The following DAB2IP variants were observed in gnomAD, a reference collection of about 807,000 sequenced individuals.
DAB2IP encodes DAB2 interacting protein.
Under a neutral mutation model 107.2 loss-of-function variants are expected in DAB2IP, and 28 were observed. That is an observed-to-expected ratio of 0.26 (90% CI 0.19 to 0.36). DAB2IP has a LOEUF of 0.36. Ranked by LOEUF, DAB2IP falls within the 10% of genes least tolerant of loss-of-function variation. The pLI, the probability that DAB2IP is intolerant of heterozygous loss-of-function variation, is 1.00. For missense variants in DAB2IP, 1,400 were observed against 1,644.7 expected (o/e 0.85, Z 2.57); for synonymous variants, 755 against 706.4 (o/e 1.07, Z -1.09).
At chr9:121,759,964 T>C (rs766570316) in exon 6 of DAB2IP, 1 of 1,614,204 alleles carries the variant, frequency 6.2e-7, no homozygotes, top group Non-Finnish European at 8.5e-7. Flanking sequence ...AAGAAGTACC[T>C]GTGCGAGCTG....
chr9:121,620,167 G>A (rs913014392), intron 1 of DAB2IP, among the ~76,000 whole-genome samples: 1 of 152,208 alleles, frequency 6.6e-6, no homozygotes, highest in Admixed American at 6.5e-5. Context: ...GGATCCAGCC[G>A]CTCAAATGGG....
At chr9:121,689,291 CT>C (rs1457956287) in intron 2 of DAB2IP, among the ~76,000 whole-genome samples, 1 of 140,406 alleles carries the variant, frequency 7.1e-6, no homozygotes, top group African/African-American at 2.9e-5. Flanking sequence ...GAAATTCCAT[CT>C]AAAAAAAAAA....
intron 3 of DAB2IP, among the ~76,000 whole-genome samples, chr9:121,738,243 C>T (rs548378077): frequency 3.9e-5 from 6 of 152,270 alleles, no homozygotes; most frequent in Non-Finnish European, 7.4e-5. Flanking sequence ...GCCAGAGGCT[C>T]CCAGCACAGG....
chr9:121,658,466 C>T (rs1244616819), intron 1 of DAB2IP, among the ~76,000 whole-genome samples: 2 of 152,230 alleles, frequency 1.3e-5, no homozygotes, highest in East Asian at 1.9e-4. Context: ...CCACGTATCG[C>T]GTGCCCGCTC....
At chr9:121,604,534 C>T (rs962369522) in intron 1 of DAB2IP, among the ~76,000 whole-genome samples, 3 of 152,210 alleles carry the variant, frequency 2.0e-5, no homozygotes, top group African/African-American at 4.8e-5. Flanking sequence ...TTTCTCTGCT[C>T]TTCAGGTTTT....
In DAB2IP at chr9:121,760,480, C is replaced by A; in HGVS notation, c.1170+41C>A. ...TCGGCTCCTGACACAGGCTGGGCGG[C>A]AGCACTGGGTTACCTGCCCTTCCTC... On this transcript the variant is annotated intron_variant, in intron 6 of 15. Coordinates refer to ENST00000408936, the Ensembl canonical transcript of DAB2IP. This position sits in a 1 kb window ranked among gnomAD's most constrained non-coding sequence, Gnocchi z 5.9. 6.5e-7 allele frequency: 1 copy of A among 1,527,346 alleles called. No individual in the cohort carries two copies. 94.6% of individuals were successfully genotyped at this position (1,527,346 alleles called of 1,614,324 possible).
At chr9:121,674,831 G>A (rs546423003) in intron 1 of DAB2IP, among the ~76,000 whole-genome samples, 12 of 152,174 alleles carry the variant, frequency 7.9e-5, no homozygotes, top group African/African-American at 2.9e-4. Context: ...GCCTGGAGTG[G>A]TGAGGGCCCA....
At chr9:121,727,070 T>C (rs1831272863) in intron 3 of DAB2IP, among the ~76,000 whole-genome samples, 1 of 152,188 alleles carries the variant, frequency 6.6e-6, no homozygotes, top group Admixed American at 6.5e-5. Context: ...TAGCTTTGCC[T>C]GGAGGCAGGG....
At chr9:121,577,336 T>C (rs1830085830) in intron 1 of DAB2IP, among the ~76,000 whole-genome samples, 2 of 152,196 alleles carry the variant, frequency 1.3e-5, no homozygotes, top group Non-Finnish European at 2.9e-5. Context: ...AAGCCTGTGC[T>C]GGATGGCCGG....
chr9:121,665,975 A>G (rs561092301), intron 1 of DAB2IP, among the ~76,000 whole-genome samples: 1 of 152,286 alleles, frequency 6.6e-6, no homozygotes, highest in South Asian at 2.1e-4. Context: ...ATTACCACAA[A>G]CTTGTAACTC....
intron 2 of DAB2IP, among the ~76,000 whole-genome samples, chr9:121,679,887 G>A (rs971999509): frequency 9.9e-5 from 15 of 152,182 alleles, no homozygotes; most frequent in Non-Finnish European, 2.2e-4. Flanking sequence ...CGGGGAGGGA[G>A]AACAGCAGTT....
Position 121,775,904 on chromosome 9 carries a change from T to A in DAB2IP, c.3121-294T>A, listed in dbSNP as rs1455655044. On this transcript the variant is annotated intron_variant, in intron 13 of 15. Transcript: ENST00000408936. ...TTTGTCATATAAAAGTTCAAAGCCCTAGTTACACCCTCAGTCCTGGGACTT... is the reference window on the plus strand; with the variant it reads ...TTTGTCATATAAAAGTTCAAAGCCCAAGTTACACCCTCAGTCCTGGGACTT... 2.6e-5 allele frequency among the ~76,000 whole-genome samples: 4 copies of A among 152,312 alleles called. No individual in the cohort carries two copies. The South Asian group carries it at 6.2e-4, about 24-fold the overall frequency.
At chr9:121,608,475 AG>A (rs961870445) in intron 1 of DAB2IP, among the ~76,000 whole-genome samples, 14 of 152,238 alleles carry the variant, frequency 9.2e-5, no homozygotes, top group African/African-American at 3.4e-4. Context: ...TTGAGGTCCC[AG>A]GGAGCAAAGG....
intron 3 of DAB2IP, among the ~76,000 whole-genome samples, chr9:121,700,111 T>C (rs538194187): frequency 1.3e-5 from 2 of 152,250 alleles, no homozygotes; most frequent in African/African-American, 4.8e-5. Flanking sequence ...CAGCTGCTTC[T>C]CTCCTTCCCT....
rs578181245 is a variant in DAB2IP at position 121,571,901 on chromosome 9, G to A, written c.40+4673G>A. Among the ~76,000 whole-genome samples, 26 of 152,244 alleles carry A rather than the reference G, an allele frequency of 1.7e-4. No homozygotes were observed. In the South Asian group the frequency reaches 2.3e-3, roughly 13 times the overall value. ...GTCAGAGGCAGGAAGGTGAGGAGAA[G>A]GGGAGAGCTCGGAAACTCGGCACTA... On this transcript the variant is annotated intron_variant, in intron 1 of 16. Coordinates refer to the DAB2IP transcript ENST00000259371.
chr9:121,759,606 A>G (rs909738067), intron 5 of DAB2IP, among the ~76,000 whole-genome samples: 22 of 152,146 alleles, frequency 1.4e-4, no homozygotes, highest in Non-Finnish European at 2.9e-4. Flanking sequence ...CTCGCCCTCT[A>G]TGAGATGGGG....
At chr9:121,571,543 G>C (rs1829942264) in intron 1 of DAB2IP, among the ~76,000 whole-genome samples, 1 of 152,116 alleles carries the variant, frequency 6.6e-6, no homozygotes, top group African/African-American at 2.4e-5. Flanking sequence ...GATGGGGATG[G>C]GGAAGGGTTG....
exon 16 of DAB2IP, chr9:121,784,098 T>G: frequency 6.2e-6 from 1 of 161,590 alleles, no homozygotes. Flanking sequence ...CAGTGGCTGC[T>G]CTGGGAAGGG....
chr9:121,678,841 G>T, intron 2 of DAB2IP, 60 bp downstream of exon 2: 1 of 1,434,446 alleles, frequency 7.0e-7, no homozygotes, highest in Non-Finnish European at 9.3e-7. Flanking sequence ...CTCGCCCGGG[G>T]TGCTGCTCTG....
Sources: gnomAD v4.1 joint callset for allele counts (sites outside exome capture counted in the v4.1 genomes callset) on GRCh38, gnomAD v4.1.1 for gene constraint, Gnocchi (gnomAD v3.1) non-coding constraint, MANE v1.5 for transcripts, NCBI Gene and HGNC (gene_info 2026-07-23, HGNC 2026-07-21) for gene names.